KRTAP5-1: variants seen among roughly 807,000 people sequenced by gnomAD.
KRTAP5-1 encodes the protein keratin associated protein 5-1.
KRTAP5-1 carries 1 observed loss-of-function variant against 1.1 expected under a neutral mutation model. The ratio of observed to expected loss-of-function variants is 0.90; its 90% CI spans 0.32 to 4.26. The LOEUF is 4.26. KRTAP5-1 is among the 30% of genes most tolerant of loss of function. The probability of loss-of-function intolerance (pLI) is 0.17; values close to 1 mark genes in which losing one functional copy is unlikely to be tolerated. For missense variants in KRTAP5-1, 302 were observed against 349.7 expected (o/e 0.86, Z 1.09); for synonymous variants, 105 against 141.6 (o/e 0.74, Z 1.84).
At position 1,584,834 on chromosome 11, in the gene KRTAP5-1, G is replaced by A; in HGVS notation, c.416C>T (p.Pro139Leu). The change falls in exon 1 of 1, where the codon CCC becomes CTC. Residue 139 changes from proline to leucine, a missense_variant. Pro to Leu is a moderately conservative substitution (Grantham distance 98, BLOSUM62 -3). Coordinates refer to ENST00000382171, the MANE Select transcript of KRTAP5-1 (RefSeq NM_001005922.1). ...SCCVPVCCCK[P>L]MCCCVPACSC... ...ACAAGCTGGCACACAGCAGCACATG[G>A]GCTTGCAGCAGCAGACAGGCACACA... 6.3e-7 allele frequency: 1 copy of A among 1,586,406 alleles called. No individual in the cohort carries two copies. Among genetic ancestry groups the A allele is most frequent in the Non-Finnish European group, 8.5e-7 (1 of 1,171,888 alleles).
Position 1,584,976 on chromosome 11 carries a change from A to G in KRTAP5-1, c.274T>C (p.Cys92Arg), listed in dbSNP as rs1257219704. 3 of 793,926 alleles carry G rather than the reference A, an allele frequency of 3.8e-6. No individual in the cohort carries two copies. The highest frequency in any genetic ancestry group is 5.4e-6 in the Non-Finnish European group (3 of 557,278). 49.2% of individuals were successfully genotyped at this position (793,926 alleles called of 1,614,324 possible). ...CGGCKGGCGS[C>R]GGSKGGCGSC... ...CCACAACCCCCCTTGGATCCCCCAC[A>G]AGAGCCACAGCCCCCCTTGCAGCCT... The change falls in exon 1 of 1, where the codon TGT (cysteine) becomes CGT (arginine). Residue 92 changes from cysteine (C) to arginine (R), a missense_variant. Transcript: ENST00000382171.
In KRTAP5-1 at chr11:1,585,110, C is replaced by T. The variant is rs780148205; in HGVS notation, c.140G>A (p.Cys47Tyr). ...GSGSSCCVPV[C>Y]CCKPVCCRVP... Reference sequence around the variant, plus strand: ...ACGGCAGCACACGGGCTTGCAGCAGCAGACGGGCACACAGCAGCTGGAGCC... The same window carrying T: ...ACGGCAGCACACGGGCTTGCAGCAGTAGACGGGCACACAGCAGCTGGAGCC... The change falls in exon 1 of 1, where the codon TGC (cysteine) becomes TAC (tyrosine). Residue 47 changes from cysteine to tyrosine, a missense_variant. This residue lies in a region of KRTAP5-1 where 165 missense variants were observed against 235.8 expected (regional missense o/e 0.70). Coordinates refer to ENST00000382171, the MANE Select transcript of KRTAP5-1 (RefSeq NM_001005922.1). The T allele has an allele frequency of 1.9e-6, 3 of 1,611,110 alleles. No individual in the cohort carries two copies. Among genetic ancestry groups the T allele is most frequent in the Non-Finnish European group, 2.5e-6 (3 of 1,179,470 alleles).
chr11:1,584,857 A>T lies in KRTAP5-1; in HGVS notation c.393T>A (p.Cys131Ter), dbSNP rs1233821596. 1 of 1,544,066 alleles carries T rather than the reference A, an allele frequency of 6.5e-7. No individual in the cohort carries two copies. Among genetic ancestry groups the T allele is most frequent in the African/African-American group, 1.5e-5 (1 of 67,354 alleles). Residue 131 changes from cysteine to a stop codon, truncating the protein, a stop_gained, in exon 1 of 1, where the codon TGT becomes TGA. Transcript: ENST00000382171. LOFTEE classifies it low-confidence loss of function (END_TRUNC). ...SGCGGCGSSC[C>*]VPVCCCKPMC... ...TGGGCTTGCAGCAGCAGACAGGCAC[A>T]CAGCAGCTGGAGCCACATCCCCCAC...
chr11:1,585,031 C>T lies in KRTAP5-1; in HGVS notation c.219G>A (p.Gly73=), dbSNP rs549748490. Reference sequence around the variant, plus strand: ...AGGAGCCACAGCCCCCCTTGGAGCCCCCAGAAGAGCCACAGCCCCCTTTGC... The same window carrying T: ...AGGAGCCACAGCCCCCCTTGGAGCCTCCAGAAGAGCCACAGCCCCCTTTGC... The part of the protein sequence containing the change: ...SCGKGGCGSS[G]GSKGGCGSCG... The change falls in exon 1 of 1, where the codon GGG becomes GGA. Residue 73 remains glycine (G), a synonymous_variant. Transcript: ENST00000382171. The T allele has an allele frequency of 6.3e-6, 10 of 1,591,380 alleles. No homozygotes were observed. The highest frequency in any genetic ancestry group is 7.7e-6 in the Non-Finnish European group (9 of 1,171,524).
Position 1,584,485 on chromosome 11 carries a change from T to C in KRTAP5-1, c.765A>G (p.Gln255=). Residue 255 remains glutamine, a synonymous_variant, in exon 1 of 1, where the codon CAA becomes CAG. Coordinates refer to ENST00000382171, the MANE Select transcript of KRTAP5-1 (RefSeq NM_001005922.1). ...CSSGCGSSCC[Q]SSCCKPCCSQ... ...AGCAGCAGGGCTTGCAGCAGCTGGA[T>C]TGGCAACAGGATGACCCACAGCCTG... The C allele has an allele frequency of 6.2e-7, 1 of 1,612,864 alleles. No individual in the cohort carries two copies. Among genetic ancestry groups the C allele is most frequent in the South Asian group, 1.1e-5 (1 of 91,002 alleles).
rs1425904344 is a variant in KRTAP5-1, at chr11:1,584,390, T to C, written c.*23A>G. 6.2e-7 allele frequency: 1 copy of C among 1,612,742 alleles called. No homozygotes were observed. On this transcript the variant is annotated 3_prime_UTR_variant, in exon 1 of 1. Coordinates refer to ENST00000382171, the MANE Select transcript of KRTAP5-1 (RefSeq NM_001005922.1). ...GCTGGGCAGGAATGCCTGGCCATGG[T>C]AAGAGTCCTGCAAAGCCAGAAATCA...
At position 1,585,029 on chromosome 11, in the gene KRTAP5-1, C is replaced by T; in HGVS notation, c.221G>A (p.Gly74Asp). ...ACAGGAGCCACAGCCCCCCTTGGAG[C>T]CCCCAGAAGAGCCACAGCCCCCTTT... Reference protein sequence around the residue: ...CGKGGCGSSGGSKGGCGSCGG... With the variant: ...CGKGGCGSSGDSKGGCGSCGG... Residue 74 changes from glycine (G) to aspartate (D), a missense_variant, in exon 1 of 1, where the codon GGC becomes GAC. Gly to Asp is a moderately conservative substitution (Grantham distance 94, BLOSUM62 -1). This residue lies in a region of KRTAP5-1 where 165 missense variants were observed against 235.8 expected (regional missense o/e 0.70). Transcript: ENST00000382171. 6.3e-7 allele frequency: 1 copy of T among 1,591,138 alleles called. No homozygotes were observed. The highest frequency in any genetic ancestry group is 8.5e-7 in the Non-Finnish European group (1 of 1,171,160).
chr11:1,584,507 C>G lies in KRTAP5-1; in HGVS notation c.743G>C (p.Gly248Ala). The change falls in exon 1 of 1, where the codon GGC (glycine) becomes GCC (alanine). Residue 248 changes from glycine to alanine, a missense_variant. By Grantham distance (60) the Gly-to-Ala change is moderately conservative. Coordinates refer to ENST00000382171, the MANE Select transcript of KRTAP5-1 (RefSeq NM_001005922.1). ...GGATTGGCAACAGGATGACCCACAGCCTGAGGAACAGCAGCAGGGCTTACA... is the reference window on the plus strand; with the variant it reads ...GGATTGGCAACAGGATGACCCACAGGCTGAGGAACAGCAGCAGGGCTTACA... Reference protein sequence around the residue: ...SCCKPCCCSSGCGSSCCQSSC... With the variant: ...SCCKPCCCSSACGSSCCQSSC... 2 of 1,613,898 alleles carry G rather than the reference C, an allele frequency of 1.2e-6. No homozygotes were observed.
rs144700999 is a variant in KRTAP5-1 at position 1,585,171 on chromosome 11, C to T, written c.79G>A (p.Gly27Ser). ...CGSGCGGCGS[G>S]CGGCGSGCGG... ...CAGCCAGAGCCACAGCCCCCACAGC[C>T]GGAGCCACAGCCCCCACAGCCGGAG... is the stretch of plus-strand genomic sequence containing the variant. Residue 27 changes from glycine to serine, a missense_variant, in exon 1 of 1, where the codon GGC becomes AGC. Physicochemically the swap from Gly to Ser is moderately conservative, Grantham distance 56 (BLOSUM62 0). Around this residue, in one of 2 missense-constraint regions of KRTAP5-1, gnomAD observed 165 missense variants for 235.8 expected, o/e 0.70. Transcript: ENST00000382171. 2,412 of 1,580,102 alleles carry T rather than the reference C, an allele frequency of 1.5e-3. 33 individuals are homozygous for T. In the African/African-American group the frequency reaches 0.029, roughly 19 times the overall value.
chr11:1,584,706 C>T lies in KRTAP5-1; in HGVS notation c.544G>A (p.Gly182Ser). 6.8e-7 allele frequency: 1 copy of T among 1,466,634 alleles called. No homozygotes were observed. The highest frequency in any genetic ancestry group is 9.1e-7 in the Non-Finnish European group (1 of 1,094,550). 90.9% of individuals were successfully genotyped at this position (1,466,634 alleles called of 1,614,324 possible). A position where few individuals can be genotyped will look rare whatever the true frequency, so the allele number is the denominator to read the frequency against. Residue 182 changes from glycine (G) to serine (S), a missense_variant, in exon 1 of 1, where the codon GGC becomes AGC. Around this residue, in one of 2 missense-constraint regions of KRTAP5-1, gnomAD observed 165 missense variants for 235.8 expected, o/e 0.70. Coordinates refer to ENST00000382171, the MANE Select transcript of KRTAP5-1 (RefSeq NM_001005922.1). ...CAAGAACCGCAGCCCCCCTTGCAGCCTCCACAGGAGCCACAGCCCCCCTTG... is the reference window on the plus strand; with the variant it reads ...CAAGAACCGCAGCCCCCCTTGCAGCTTCCACAGGAGCCACAGCCCCCCTTG... ...GSKGGCGSCG[G>S]CKGGCGSCGG...
chr11:1,584,983 ACAG>A lies in KRTAP5-1; in HGVS notation c.264_266del (p.Cys89del). ...CCCCCTTGGATCCCCCACAAGAGCC[ACAG>A]CCCCCCTTGCAGCCTCCACAGGAGC... On this transcript the variant is annotated inframe_deletion, in exon 1 of 1. Coordinates refer to ENST00000382171, the MANE Select transcript of KRTAP5-1 (RefSeq NM_001005922.1). The A allele has an allele frequency of 9.4e-7, 1 of 1,068,668 alleles. No homozygotes were observed. Among genetic ancestry groups the A allele is most frequent in the Non-Finnish European group, 1.2e-6 (1 of 807,884 alleles). 66.2% of individuals were successfully genotyped at this position (1,068,668 alleles called of 1,614,324 possible).
chr11:1,584,681 C>T lies in KRTAP5-1; in HGVS notation c.569G>A (p.Cys190Tyr), dbSNP rs758701154. 7.3e-7 allele frequency: 1 copy of T among 1,366,672 alleles called. No individual in the cohort carries two copies. The highest frequency in any genetic ancestry group is 1.2e-5 in the South Asian group (1 of 84,492). 84.7% of individuals were successfully genotyped at this position (1,366,672 alleles called of 1,614,324 possible). Residue 190 changes from cysteine (C) to tyrosine (Y), a missense_variant, in exon 1 of 1, where the codon TGT becomes TAT. Physicochemically the swap from Cys to Tyr is radical, Grantham distance 194 (BLOSUM62 -2). Coordinates refer to ENST00000382171, the MANE Select transcript of KRTAP5-1 (RefSeq NM_001005922.1). ...GCCACAACCCCCCTTGGATCCCCCA[C>T]AAGAACCGCAGCCCCCCTTGCAGCC... Reference protein sequence around the residue: ...CGGCKGGCGSCGGSKGGCGSG... With the variant: ...CGGCKGGCGSYGGSKGGCGSG...
rs1849111452 is a variant in KRTAP5-1, at chr11:1,584,550, A to T, written c.700T>A (p.Cys234Ser). ...GGCTTACAGCAACTGCACTGGGAGC[A>T]GGATGACCCGCAGCCTCCCTTAGAC... ...AGSKGGCGSS[C>S]SQCSCCKPCC... Residue 234 changes from cysteine to serine, a missense_variant, in exon 1 of 1, where the codon TGC becomes AGC. Cys to Ser is a moderately radical substitution (Grantham distance 112). This residue lies in a region of KRTAP5-1 where 137 missense variants were observed against 113.9 expected (regional missense o/e 1.20). Transcript: ENST00000382171. 1 of 1,613,914 alleles carries T rather than the reference A, an allele frequency of 6.2e-7. No individual in the cohort carries two copies. Among genetic ancestry groups the T allele is most frequent in the Non-Finnish European group, 8.5e-7 (1 of 1,179,978 alleles).
Position 1,585,121 on chromosome 11 carries a change from A to G in KRTAP5-1, c.129T>C (p.Cys43=), listed in dbSNP as rs1849136050. ...CGGGCTTGCAGCAGCAGACGGGCAC[A>G]CAGCAGCTGGAGCCAGAACCTCCAC... ...SGCGGSGSSC[C]VPVCCCKPVC... Residue 43 remains cysteine, a synonymous_variant, in exon 1 of 1, where the codon TGT becomes TGC. Coordinates refer to ENST00000382171, the MANE Select transcript of KRTAP5-1 (RefSeq NM_001005922.1). 2 of 1,600,778 alleles carry G rather than the reference A, an allele frequency of 1.2e-6. No individual in the cohort carries two copies. The highest frequency in any genetic ancestry group is 1.7e-6 in the Non-Finnish European group (2 of 1,173,948).
rs1849107812 is a variant in KRTAP5-1 at position 1,584,363 on chromosome 11, A to C, written c.*50T>G. ...ACTGGGTGCCAGGAAAAGGAGGTAAAGGCTGGGCAGGAATGCCTGGCCATG... is the reference window on the plus strand; with the variant it reads ...ACTGGGTGCCAGGAAAAGGAGGTAACGGCTGGGCAGGAATGCCTGGCCATG... On this transcript the variant is annotated 3_prime_UTR_variant, in exon 1 of 1. Transcript: ENST00000382171. The C allele has an allele frequency of 6.3e-7, 1 of 1,598,134 alleles. No homozygotes were observed. Among genetic ancestry groups the C allele is most frequent in the South Asian group, 1.1e-5 (1 of 89,548 alleles).
Position 1,584,525 on chromosome 11 carries a change from G to T in KRTAP5-1, c.725C>A (p.Pro242His), listed in dbSNP as rs773136552. 53 of 1,613,796 alleles carry T rather than the reference G, an allele frequency of 3.3e-5. No individual in the cohort carries two copies. Among genetic ancestry groups the T allele is most frequent in the Non-Finnish European group, 4.4e-5 (52 of 1,179,906 alleles). ...CCCACAGCCTGAGGAACAGCAGCAG[G>T]GCTTACAGCAACTGCACTGGGAGCA... ...SSCSQCSCCK[P>H]CCCSSGCGSS... is the part of the protein sequence containing the mutation. Residue 242 changes from proline (P) to histidine (H), a missense_variant, in exon 1 of 1, where the codon CCC becomes CAC. Coordinates refer to ENST00000382171, the MANE Select transcript of KRTAP5-1 (RefSeq NM_001005922.1).
At position 1,585,157 on chromosome 11, in the gene KRTAP5-1, A is replaced by G. The variant is rs985753418; in HGVS notation, c.93T>C (p.Cys31=). Residue 31 remains cysteine, a synonymous_variant, in exon 1 of 1, where the codon TGT becomes TGC. Coordinates refer to ENST00000382171, the MANE Select transcript of KRTAP5-1 (RefSeq NM_001005922.1). ...CGGCGSGCGG[C]GSGCGGSGSS... The stretch of plus-strand genomic sequence containing the variant: ...AGCCAGAACCTCCACAGCCAGAGCC[A>G]CAGCCCCCACAGCCGGAGCCACAGC... 7.6e-6 allele frequency: 12 copies of G among 1,579,378 alleles called. No homozygotes were observed. Among genetic ancestry groups the G allele is most frequent in the Non-Finnish European group, 1.0e-5 (12 of 1,158,456 alleles).
Position 1,584,640 on chromosome 11 carries a change from A to AACCCCCCTT in KRTAP5-1, c.609_610insAAGGGGGGT (p.Gly203_Cys204insLysGlyGly). On this transcript the variant is annotated inframe_insertion, in exon 1 of 1. Transcript: ENST00000382171. ...ACGGGCACACCGCAGCCGGAGCCAC[A>AACCCCCCTT]GCCCCCACAGCCGGAGCCACAACCC... 3 of 1,587,880 alleles carry AACCCCCCTT rather than the reference A, an allele frequency of 1.9e-6. No individual in the cohort carries two copies. Among genetic ancestry groups the AACCCCCCTT allele is most frequent in the Admixed American group, 1.7e-5 (1 of 57,544 alleles).
At position 1,584,447 on chromosome 11, in the gene KRTAP5-1, C is replaced by T. The variant is rs377571101; in HGVS notation, c.803G>A (p.Cys268Tyr). The change falls in exon 1 of 1, where the codon TGC becomes TAC. Residue 268 changes from cysteine (C) to tyrosine (Y), a missense_variant. By Grantham distance (194) the Cys-to-Tyr change is radical. Around this residue, in one of 2 missense-constraint regions of KRTAP5-1, gnomAD observed 137 missense variants for 113.9 expected, o/e 1.20. Coordinates refer to ENST00000382171, the MANE Select transcript of KRTAP5-1 (RefSeq NM_001005922.1). Reference sequence around the variant, plus strand: ...GCACTGGCAGCACACGGGGACACAGCAACTGGACTGGGAGCAGCAGGGCTT... The same window carrying T: ...GCACTGGCAGCACACGGGGACACAGTAACTGGACTGGGAGCAGCAGGGCTT... ...CCKPCCSQSS[C>Y]CVPVCCQCKI 5.6e-6 allele frequency: 9 copies of T among 1,613,982 alleles called. No homozygotes were observed. Among genetic ancestry groups the T allele is most frequent in the Non-Finnish European group, 2.5e-6 (3 of 1,179,958 alleles).
Sources: allele counts gnomAD v4.1 joint callset, GRCh38; gene constraint gnomAD v4.1.1; regional missense constraint gnomAD v4.1.1; transcripts MANE v1.5; gene names NCBI Gene and HGNC (gene_info 2026-07-23, HGNC 2026-07-21).